The following GRID2 variants were observed in gnomAD, a reference collection of about 807,000 sequenced individuals.
GRID2 encodes glutamate receptor ionotropic, delta-2.
In GRID2, 33 loss-of-function variants were observed where a neutral mutation model predicts 114.8. That is an observed-to-expected ratio of 0.29 (90% CI 0.22 to 0.38). GRID2 has a LOEUF of 0.38. GRID2 is among the 10% of genes least tolerant of loss of function. The pLI is 1.00. For synonymous variants in GRID2, 505 were observed against 449.9 expected (o/e 1.12, Z -1.55); for missense variants, 1,184 against 1,257.7 (o/e 0.94, Z 0.89).
At chr4:92,481,408 A>G (rs1217679570) in intron 1 of GRID2, among the ~76,000 whole-genome samples, 1 of 152,132 alleles carries the variant, frequency 6.6e-6, no homozygotes, top group Non-Finnish European at 1.5e-5. Context: ...GACACTATTT[A>G]AATGATTCTC....
At chr4:92,594,457 TA>T (rs941053400) in intron 2 of GRID2, among the ~76,000 whole-genome samples, 2 of 151,980 alleles carry the variant, frequency 1.3e-5, no homozygotes, top group Non-Finnish European at 2.9e-5. Flanking sequence ...CTATGACCCT[TA>T]AGAACACAGT....
At chr4:93,623,203 CT>C (rs1185599389) in intron 13 of GRID2, among the ~76,000 whole-genome samples, 2 of 151,944 alleles carry the variant, frequency 1.3e-5, no homozygotes, top group African/African-American at 4.8e-5. Flanking sequence ...TGTGCAGAAC[CT>C]GTGCAGGTTT....
chr4:93,242,598 AACAGAG>A (rs1416217078), intron 8 of GRID2, among the ~76,000 whole-genome samples: 2 of 152,068 alleles, frequency 1.3e-5, no homozygotes, highest in Middle Eastern at 3.2e-3. Flanking sequence ...GGAAGAGTAT[AACAGAG>A]ACAAAGTATG....
At chr4:93,141,064 A>G (rs566178747) in intron 4 of GRID2, among the ~76,000 whole-genome samples, 6 of 152,134 alleles carry the variant, frequency 3.9e-5, no homozygotes, top group South Asian at 4.1e-4. Flanking sequence ...AAGTTTTCCC[A>G]TTTTCCATAA....
At chr4:93,602,744 G>A (rs2149643676) in intron 13 of GRID2, among the ~76,000 whole-genome samples, 1 of 152,246 alleles carries the variant, frequency 6.6e-6, no homozygotes, top group African/African-American at 2.4e-5. Context: ...AACCTACAAT[G>A]GTCTCTAAGT....
chr4:92,858,340 A>G (rs1417791282), intron 2 of GRID2, among the ~76,000 whole-genome samples: 1 of 152,208 alleles, frequency 6.6e-6, no homozygotes, highest in African/African-American at 2.4e-5. Flanking sequence ...CATTCAGAAC[A>G]TTCATGATTC....
chr4:93,783,292 T>C (rs540502138), intron 1 of GRID2, among the ~76,000 whole-genome samples: 1 of 152,312 alleles, frequency 6.6e-6, no homozygotes, highest in South Asian at 2.1e-4. Context: ...AAAACAAAAG[T>C]AAAACTCTGG....
intron 1 of GRID2, among the ~76,000 whole-genome samples, chr4:92,500,387 T>TA (rs555063867): frequency 0.019 from 2,857 of 149,342 alleles, 42 homozygotes; most frequent in Non-Finnish European, 0.021. Context: ...TAAATTCTTT[T>TA]AAAAAAAAAC....
At chr4:92,956,227 G>A (rs1752398818) in intron 2 of GRID2, among the ~76,000 whole-genome samples, 2 of 152,088 alleles carry the variant, frequency 1.3e-5, no homozygotes, top group Admixed American at 6.6e-5. Flanking sequence ...AAGATAACTT[G>A]ACACATCATT....
At chr4:92,430,761 T>G (rs999370370) in intron 1 of GRID2, among the ~76,000 whole-genome samples, 3 of 152,174 alleles carry the variant, frequency 2.0e-5, no homozygotes, top group Non-Finnish European at 4.4e-5. Context: ...CCGTTTTTTG[T>G]GTCTTCTTCA....
intron 2 of GRID2, among the ~76,000 whole-genome samples, chr4:92,607,665 C>T (rs1347589222): frequency 6.6e-6 from 1 of 151,786 alleles, no homozygotes. Context: ...AGCAAATGGC[C>T]AAACACCAGG....
chr4:93,068,982 G>A (rs1243065685), intron 2 of GRID2, among the ~76,000 whole-genome samples: 1 of 151,836 alleles, frequency 6.6e-6, no homozygotes, highest in Non-Finnish European at 1.5e-5. Flanking sequence ...GGGGGAGCAG[G>A]CACATCACAT....
chr4:92,729,770 GT>G (rs35536757), intron 2 of GRID2, among the ~76,000 whole-genome samples: 4,136 of 151,942 alleles, frequency 0.027, 87 homozygotes, highest in Non-Finnish European at 0.041. Context: ...TGTGATCTGA[GT>G]TTTTTGTAGC....
At chr4:92,488,688 G>C (rs1723007016) in intron 1 of GRID2, among the ~76,000 whole-genome samples, 1 of 152,150 alleles carries the variant, frequency 6.6e-6, no homozygotes, top group Non-Finnish European at 1.5e-5. Flanking sequence ...TAATGCTGAG[G>C]AAGGGTAAAA....
At chr4:92,317,187 A>C (rs1433733888) in intron 1 of GRID2, among the ~76,000 whole-genome samples, 2 of 152,154 alleles carry the variant, frequency 1.3e-5, no homozygotes, top group Non-Finnish European at 2.9e-5. Flanking sequence ...TCATATTACT[A>C]ATCTATCCTC....
chr4:93,535,170 T>C (rs1032951323), intron 13 of GRID2, among the ~76,000 whole-genome samples: 25 of 151,540 alleles, frequency 1.6e-4, no homozygotes, highest in African/African-American at 6.1e-4. Context: ...TTGTCACAAA[T>C]GGTGGGATTT....
At chr4:92,693,694 C>A (rs1734292911) in intron 2 of GRID2, among the ~76,000 whole-genome samples, 1 of 152,128 alleles carries the variant, frequency 6.6e-6, no homozygotes, top group Admixed American at 6.5e-5. Flanking sequence ...TATAGCCGGG[C>A]CCTGCTGGAC....
chr4:92,335,926 T>C (rs1727137048), intron 1 of GRID2, among the ~76,000 whole-genome samples: 1 of 152,308 alleles, frequency 6.6e-6, no homozygotes. Flanking sequence ...CACTGTTTTT[T>C]ACTTTATTTT....
intron 2 of GRID2, among the ~76,000 whole-genome samples, chr4:92,753,618 T>C (rs535663351): frequency 6.6e-6 from 1 of 152,280 alleles, no homozygotes; most frequent in Non-Finnish European, 1.5e-5. Context: ...AGAACAAGTG[T>C]GCAGTTTAAT....
Sources: gnomAD v4.1 joint callset for allele counts (sites outside exome capture counted in the v4.1 genomes callset) on GRCh38, gnomAD v4.1.1 for gene constraint, MANE v1.5 for transcripts, NCBI Gene and HGNC (gene_info 2026-07-23, HGNC 2026-07-21) for gene names.